Variants in ANGPT1 observed in about 807,000 individuals in gnomAD.
ANGPT1 encodes angiopoietin 1, also known as angiopoietin-1.
A neutral mutation model predicts 62.2 loss-of-function variants in ANGPT1; 17 were observed. The observed-to-expected ratio is 0.27, with a 90% confidence interval of 0.19 to 0.41. The LOEUF is 0.41. ANGPT1 is among the 10% of genes least tolerant of loss of function. The pLI, the probability that ANGPT1 is intolerant of heterozygous loss-of-function variation, is 1.00. For missense variants in ANGPT1, 478 were observed against 594.9 expected, an observed-to-expected ratio of 0.80 and a Z score of 2.04; for synonymous variants, 199 against 198.9, an observed-to-expected ratio of 1.00 and a Z score of 0.00.
intron 4 of ANGPT1, among the ~76,000 whole-genome samples, chr8:107,318,544 T>A (rs1446553630): frequency 6.6e-6 from 1 of 152,206 alleles, no homozygotes; most frequent in African/African-American, 2.4e-5. Flanking sequence ...AAAATAAAGA[T>A]AATTACGATT....
chr8:107,282,593 T>TAC (rs1814042456), intron 7 of ANGPT1, among the ~76,000 whole-genome samples: 1 of 125,656 alleles, frequency 8.0e-6, no homozygotes, highest in South Asian at 2.6e-4. Context: ...TATATATATA[T>TAC]ATGAGCCTCA....
chr8:107,367,385 T>C (rs1816297224), intron 1 of ANGPT1, among the ~76,000 whole-genome samples: 1 of 152,190 alleles, frequency 6.6e-6, no homozygotes, highest in Admixed American at 6.5e-5. Context: ...ATCTTTTTGC[T>C]GGTGGAGGGT....
chr8:107,277,027 T>C (rs1454243031), intron 7 of ANGPT1, among the ~76,000 whole-genome samples: 1 of 152,114 alleles, frequency 6.6e-6, no homozygotes, highest in Non-Finnish European at 1.5e-5. Flanking sequence ...TAATATAAAG[T>C]CAATAAAATA....
intron 6 of ANGPT1, among the ~76,000 whole-genome samples, chr8:107,291,539 G>C (rs1233293786): frequency 2.6e-5 from 4 of 151,956 alleles, no homozygotes; most frequent in African/African-American, 9.7e-5. Context: ...AGCCTCCCAA[G>C]TAGCTGGGAT....
intron 1 of ANGPT1, among the ~76,000 whole-genome samples, chr8:107,483,200 C>T (rs1464375116): frequency 6.6e-6 from 1 of 152,134 alleles, no homozygotes; most frequent in East Asian, 1.9e-4. Context: ...ATGACCTTTT[C>T]CTTGCAAATT....
intron 1 of ANGPT1, among the ~76,000 whole-genome samples, chr8:107,347,419 T>C (rs1299446060): frequency 7.5e-6 from 1 of 132,994 alleles, no homozygotes; most frequent in East Asian, 1.9e-4. Flanking sequence ...TATTGTTTTG[T>C]TTATTTTATA....
intron 1 of ANGPT1, among the ~76,000 whole-genome samples, chr8:107,352,388 C>T (rs1815951220): frequency 6.6e-6 from 1 of 152,110 alleles, no homozygotes; most frequent in African/African-American, 2.4e-5. Flanking sequence ...GTAATATAAT[C>T]AGCCATTTGT....
At position 107,336,192 on chromosome 8, in the gene ANGPT1, A is replaced by C; in HGVS notation, c.533T>G (p.Leu178Arg). 6.2e-7 allele frequency: 1 copy of C among 1,608,096 alleles called. No individual in the cohort carries two copies. The highest frequency in any genetic ancestry group is 8.5e-7 in the Non-Finnish European group (1 of 1,178,344). Reference sequence around the variant, plus strand: ...CTTCAAGATTTCATTTGTCTGTTGAAGAAGTTGCTTCTCTAGCTTGTAGGT... The same window carrying C: ...CTTCAAGATTTCATTTGTCTGTTGACGAAGTTGCTTCTCTAGCTTGTAGGT... ...LSTYKLEKQL[L>R]QQTNEILKIH... The change falls in exon 3 of 9, where the codon CTT becomes CGT. Residue 178 changes from leucine (L) to arginine (R), a missense_variant. Leu to Arg is a moderately radical substitution (Grantham distance 102). Around this residue, in one of 4 missense-constraint regions of ANGPT1, gnomAD observed 343 missense variants for 355.4 expected, o/e 0.97. Transcript: ENST00000517746.
chr8:107,400,006 C>A lies in ANGPT1; in HGVS notation c.298-52909G>T, dbSNP rs143897450. On this transcript the variant is annotated intron_variant, in intron 1 of 8. Coordinates refer to ENST00000517746, the MANE Select transcript of ANGPT1 (RefSeq NM_001146.5). The stretch of plus-strand genomic sequence containing the variant: ...CATCTTAACTAGAAACACAATAGAG[C>A]CACATGCACACCATCAAAAGGAGAG... Among the ~76,000 whole-genome samples the A allele has an allele frequency of 1.4e-4, 22 of 152,232 alleles. No individual in the cohort carries two copies. The East Asian group carries it at 4.3e-3, about 29-fold the overall frequency.
At chr8:107,407,191 T>C (rs1817166043) in intron 1 of ANGPT1, among the ~76,000 whole-genome samples, 1 of 152,090 alleles carries the variant, frequency 6.6e-6, no homozygotes, top group African/African-American at 2.4e-5. Context: ...GATTGTTCTA[T>C]GTTTAATTCA....
chr8:107,272,035 G>A (rs1392761480), intron 7 of ANGPT1, among the ~76,000 whole-genome samples: 2 of 151,916 alleles, frequency 1.3e-5, no homozygotes, highest in African/African-American at 4.8e-5. Flanking sequence ...TGTTTTAACA[G>A]GGAACTGGAT....
At position 107,491,076 on chromosome 8, in the gene ANGPT1, A is replaced by T. The variant is rs190732983; in HGVS notation, c.297+6186T>A. On this transcript the variant is annotated intron_variant, in intron 1 of 8. Coordinates refer to ENST00000517746, the MANE Select transcript of ANGPT1 (RefSeq NM_001146.5). ...ATGGACTTCATTTATTTCCCTATTT[A>T]TTAAAAAATAATAAATAGAGCCAAC... Among the ~76,000 whole-genome samples the T allele has an allele frequency of 6.6e-5, 10 of 152,346 alleles. No homozygotes were observed. The East Asian group carries it at 1.9e-3, about 29-fold the overall frequency.
At chr8:107,438,296 A>C (rs920062193) in intron 1 of ANGPT1, among the ~76,000 whole-genome samples, 1 of 149,962 alleles carries the variant, frequency 6.7e-6, no homozygotes, top group African/African-American at 2.5e-5. Context: ...TGATATCATC[A>C]TCTTCTTCTT....
chr8:107,452,016 C>A (rs915024649), intron 1 of ANGPT1, among the ~76,000 whole-genome samples: 5 of 151,420 alleles, frequency 3.3e-5, no homozygotes, highest in East Asian at 1.9e-4. Context: ...TGTATGTATA[C>A]TATTTACATG....
intron 7 of ANGPT1, 47 bp downstream of exon 7, chr8:107,284,635 G>C: frequency 3.8e-6 from 5 of 1,332,514 alleles, no homozygotes; most frequent in Non-Finnish European, 4.9e-6. Flanking sequence ...CAATTATTAA[G>C]TGGCTAGGTA....
chr8:107,485,205 G>T (rs117652053), intron 1 of ANGPT1, among the ~76,000 whole-genome samples: 1 of 152,148 alleles, frequency 6.6e-6, no homozygotes, highest in Non-Finnish European at 1.5e-5. Flanking sequence ...TGCAATGCCC[G>T]CACACCACAC....
intron 5 of ANGPT1, among the ~76,000 whole-genome samples, chr8:107,297,480 T>C (rs1401135162): frequency 6.6e-6 from 1 of 151,672 alleles, no homozygotes; most frequent in East Asian, 1.9e-4. Flanking sequence ...GTATTACTGA[T>C]GACATAATAT....
intron 1 of ANGPT1, among the ~76,000 whole-genome samples, chr8:107,397,339 T>C (rs760864687): frequency 2.6e-5 from 4 of 152,022 alleles, no homozygotes; most frequent in Non-Finnish European, 4.4e-5. Context: ...AACTGGAAAA[T>C]GTTAGGCTCC....
At chr8:107,381,905 C>T (rs1301110288) in intron 1 of ANGPT1, among the ~76,000 whole-genome samples, 1 of 152,146 alleles carries the variant, frequency 6.6e-6, no homozygotes, top group South Asian at 2.1e-4. Context: ...TAGCTTTTTC[C>T]TGCTCTTTGC....
Sources: allele counts gnomAD v4.1 joint callset (sites outside exome capture counted in the v4.1 genomes callset), GRCh38; gene constraint gnomAD v4.1.1; regional missense constraint gnomAD v4.1.1; transcripts MANE v1.5; gene names NCBI Gene and HGNC (gene_info 2026-07-23, HGNC 2026-07-21).